Variants in LAMA2 observed in about 807,000 individuals in gnomAD.
LAMA2 encodes laminin subunit alpha-2.
A neutral mutation model predicts 364.8 loss-of-function variants in LAMA2; 269 were observed. That is an observed-to-expected ratio of 0.74 (90% CI 0.67 to 0.82). The LOEUF (loss-of-function observed/expected upper bound fraction) is 0.82. Among genes scored for constraint, LAMA2 ranks in the 40% least tolerant of loss-of-function variants. LAMA2 has a pLI of 0.00. For missense variants in LAMA2, 3,807 were observed against 3,873.2 expected, an observed-to-expected ratio of 0.98 and a Z score of 0.45; for synonymous variants, 1,379 against 1,370.6, an observed-to-expected ratio of 1.01 and a Z score of -0.14.
intron 35 of LAMA2, among the ~76,000 whole-genome samples, chr6:129,385,731 G>A (rs148523345): frequency 2.2e-3 from 329 of 152,210 alleles, no homozygotes; most frequent in Non-Finnish European, 3.6e-3. Flanking sequence ...ATTAATGAGT[G>A]GACATAGGTA....
chr6:129,330,595 TTTG>T (rs1775581041), intron 29 of LAMA2, among the ~76,000 whole-genome samples: 2 of 66,428 alleles, frequency 3.0e-5, no homozygotes, highest in East Asian at 1.9e-3. Context: ...TTGTTTGGTT[TTTG>T]TTTTTTTTTT....
intron 4 of LAMA2, among the ~76,000 whole-genome samples, chr6:129,118,020 C>G (rs1048114803): frequency 6.6e-6 from 1 of 152,088 alleles, no homozygotes; most frequent in South Asian, 2.1e-4. Flanking sequence ...GTGACATGAA[C>G]CATCATAAGA....
In LAMA2 at chr6:129,295,288, G is replaced by GAATTTTAC. The variant is rs1173676825; in HGVS notation, c.2857-2393_2857-2392insTTACAATT. On this transcript the variant is annotated intron_variant, in intron 20 of 64. Coordinates refer to ENST00000421865, the MANE Select transcript of LAMA2 (RefSeq NM_000426.4). Reference sequence around the variant, plus strand: ...AGAGTTTAGATTTGTAAAGGGTTTAGAATTGTGCTTTGCAAAAAGGAAGCA... The same window carrying GAATTTTAC: ...AGAGTTTAGATTTGTAAAGGGTTTAGAATTTTACAATTGTGCTTTGCAAAAAGGAAGCA... Among the ~76,000 whole-genome samples, 35 of 152,224 alleles carry GAATTTTAC rather than the reference G, an allele frequency of 2.3e-4. No individual in the cohort carries two copies. The East Asian group carries it at 6.8e-3, about 29-fold the overall frequency.
chr6:129,324,558 T>A (rs1317577819), intron 28 of LAMA2, among the ~76,000 whole-genome samples: 1 of 152,184 alleles, frequency 6.6e-6, no homozygotes, highest in Non-Finnish European at 1.5e-5. Flanking sequence ...TTCTGAGAAA[T>A]GTGTCGTTAG....
chr6:128,911,451 C>T (rs567375566), intron 1 of LAMA2, among the ~76,000 whole-genome samples: 1 of 152,320 alleles, frequency 6.6e-6, no homozygotes. Flanking sequence ...AACTCCCTGA[C>T]CCCTTGCGCT....
chr6:129,042,381 C>G (rs1413810952), intron 1 of LAMA2, among the ~76,000 whole-genome samples: 3 of 152,006 alleles, frequency 2.0e-5, no homozygotes, highest in Non-Finnish European at 4.4e-5. Context: ...TATCACATAT[C>G]TATCCATCTG....
intron 22 of LAMA2, 92 bp downstream of exon 22, chr6:129,300,964 C>A: frequency 9.4e-7 from 1 of 1,058,562 alleles, no homozygotes; most frequent in Non-Finnish European, 1.5e-6. Context: ...TTCAATATTA[C>A]ATCACAAAAT....
At chr6:129,332,736 T>C (rs1277076272) in intron 29 of LAMA2, among the ~76,000 whole-genome samples, 1 of 152,200 alleles carries the variant, frequency 6.6e-6, no homozygotes, top group Non-Finnish European at 1.5e-5. Context: ...ATTACCTGTT[T>C]TGTTTCAACA....
chr6:129,030,222 A>T (rs1786128239), intron 1 of LAMA2, among the ~76,000 whole-genome samples: 1 of 151,808 alleles, frequency 6.6e-6, no homozygotes, highest in Non-Finnish European at 1.5e-5. Context: ...TACTTTGATT[A>T]TTTTTTTTAA....
Position 129,315,782 on chromosome 6 carries a change from A to G in LAMA2, c.3756A>G (p.Lys1252=). ...GTCAGTTGATGGCCTATGGGGGCAAACTCAAGTATGCAATCTATTTCGAGG... is the reference window on the plus strand; with the variant it reads ...GTCAGTTGATGGCCTATGGGGGCAAGCTCAAGTATGCAATCTATTTCGAGG... ...EGKKLMAYGG[K]LKYAIYFEAR... The change falls in exon 26 of 65, where the codon AAA becomes AAG. Residue 1252 remains lysine, a synonymous_variant. Coordinates refer to ENST00000421865, the MANE Select transcript of LAMA2 (RefSeq NM_000426.4). The G allele has an allele frequency of 6.2e-7, 1 of 1,614,072 alleles. No homozygotes were observed. Among genetic ancestry groups the G allele is most frequent in the Non-Finnish European group, 8.5e-7 (1 of 1,180,014 alleles).
chr6:128,922,169 C>A lies in LAMA2; in HGVS notation c.112+38812C>A, dbSNP rs565660296. Among the ~76,000 whole-genome samples, 27 of 151,990 alleles carry A rather than the reference C, an allele frequency of 1.8e-4. 1 individual carries two copies. The South Asian group carries it at 5.6e-3, about 32-fold the overall frequency. On this transcript the variant is annotated intron_variant, in intron 1 of 64. Coordinates refer to ENST00000421865, the MANE Select transcript of LAMA2 (RefSeq NM_000426.4). ...TGTGAAAAATGCCACAATAAACATA[C>A]CTGTGTATGTGTCTTTATAGCAGCA... is the stretch of plus-strand genomic sequence containing the variant.
chr6:129,239,883 A>G (rs941396029), intron 12 of LAMA2, among the ~76,000 whole-genome samples: 1 of 152,126 alleles, frequency 6.6e-6, no homozygotes, highest in Non-Finnish European at 1.5e-5. Flanking sequence ...ATTGATGTAT[A>G]TATGAAGGGG....
At chr6:129,078,653 A>G (rs1220904114) in intron 3 of LAMA2, among the ~76,000 whole-genome samples, 3 of 152,186 alleles carry the variant, frequency 2.0e-5, no homozygotes, top group Non-Finnish European at 4.4e-5. Context: ...TTAAAAAGTC[A>G]TGGTAAAATG....
chr6:129,389,156 C>A (rs988584914), intron 35 of LAMA2, among the ~76,000 whole-genome samples: 1 of 152,100 alleles, frequency 6.6e-6, no homozygotes, highest in African/African-American at 2.4e-5. Context: ...AAAGAGCCAC[C>A]CTCACTAACT....
intron 14 of LAMA2, among the ~76,000 whole-genome samples, chr6:129,256,751 CAA>C (rs1562385327): frequency 2.5e-5 from 2 of 81,440 alleles, no homozygotes; most frequent in South Asian, 4.4e-4. Context: ...ATATAAAAAA[CAA>C]ATTATATAGC....
At chr6:128,988,346 A>G (rs1783399247) in intron 1 of LAMA2, among the ~76,000 whole-genome samples, 1 of 152,188 alleles carries the variant, frequency 6.6e-6, no homozygotes, top group South Asian at 2.1e-4. Flanking sequence ...GGGTAAGAAT[A>G]AGTGATGCTG....
At chr6:129,369,446 G>T (rs1777948583) in intron 33 of LAMA2, among the ~76,000 whole-genome samples, 1 of 152,114 alleles carries the variant, frequency 6.6e-6, no homozygotes, top group African/African-American at 2.4e-5. Context: ...GTTAAGGCCT[G>T]CCGTTCTCTT....
chr6:128,960,178 G>A (rs1045701130), intron 1 of LAMA2, among the ~76,000 whole-genome samples: 2 of 151,378 alleles, frequency 1.3e-5, no homozygotes, highest in Non-Finnish European at 2.9e-5. Flanking sequence ...TTTTTGACCC[G>A]GGAAATTCAT....
At chr6:129,497,236 A>G (rs1372393789) in intron 58 of LAMA2, among the ~76,000 whole-genome samples, 4 of 152,036 alleles carry the variant, frequency 2.6e-5, no homozygotes, top group African/African-American at 9.7e-5. Context: ...CCATTTTTGT[A>G]TCAGAATTTA....
Sources: gnomAD v4.1 joint callset for allele counts (sites outside exome capture counted in the v4.1 genomes callset) on GRCh38, gnomAD v4.1.1 for gene constraint, MANE v1.5 for transcripts, NCBI Gene and HGNC (gene_info 2026-07-23, HGNC 2026-07-21) for gene names.